ETV5: variants seen among roughly 807,000 people sequenced by gnomAD.
ETV5 encodes the protein ETS translocation variant 5.
A neutral mutation model predicts 70.0 loss-of-function variants in ETV5; 10 were observed. The ratio of observed to expected loss-of-function variants is 0.14; its 90% CI spans 0.09 to 0.24. The LOEUF is 0.24. Among genes scored for constraint, ETV5 ranks in the 10% least tolerant of loss-of-function variants. The pLI, the probability that ETV5 is intolerant of heterozygous loss-of-function variation, is 1.00. For missense variants in ETV5, 453 were observed against 651.2 expected (o/e 0.70, Z 3.31); for synonymous variants, 216 against 242.2 (o/e 0.89, Z 1.01).
rs765267113 is a variant in ETV5, at chr3:186,052,174, TG to T, written c.1210-44del. ...TGAAGAGCAATGGAAACGCATTCCCTGGGCCCCATGTTCTCTCCCAATCCCA... is the reference window on the plus strand; with the variant it reads ...TGAAGAGCAATGGAAACGCATTCCCTGGCCCCATGTTCTCTCCCAATCCCA... On this transcript the variant is annotated intron_variant, in intron 11 of 12. Coordinates refer to ENST00000306376, the MANE Select transcript of ETV5 (RefSeq NM_004454.3). The surrounding 1 kb of genome is among the most constrained non-coding windows in gnomAD (Gnocchi z 4.5). 1 of 1,583,642 alleles carries T rather than the reference TG, an allele frequency of 6.3e-7. No individual in the cohort carries two copies. Among genetic ancestry groups the T allele is most frequent in the South Asian group, 1.1e-5 (1 of 90,448 alleles).
intron 12 of ETV5, among the ~76,000 whole-genome samples, chr3:186,049,121 CT>C (rs1408827486): frequency 6.6e-6 from 1 of 152,292 alleles, no homozygotes; most frequent in South Asian, 2.1e-4. Flanking sequence ...CACTTTCTGT[CT>C]TCCAGTGACA....
chr3:186,064,980 A>G (rs1173994377), intron 8 of ETV5, among the ~76,000 whole-genome samples: 1 of 152,216 alleles, frequency 6.6e-6, no homozygotes, highest in East Asian at 1.9e-4. Flanking sequence ...ACCTGAAGTT[A>G]GGAAGCCAGG....
intron 7 of ETV5, among the ~76,000 whole-genome samples, chr3:186,070,782 T>C (rs1236399402): frequency 6.6e-6 from 1 of 152,236 alleles, no homozygotes; most frequent in Non-Finnish European, 1.5e-5. Context: ...GTATACATAA[T>C]ACAGCTACAA....
intron 7 of ETV5, among the ~76,000 whole-genome samples, chr3:186,070,925 C>A (rs1295302351): frequency 6.6e-6 from 1 of 152,220 alleles, no homozygotes; most frequent in African/African-American, 2.4e-5. Context: ...CAACAGAGTG[C>A]ACGTGTAAGG....
chr3:186,093,779 A>C (rs903997119), intron 5 of ETV5, among the ~76,000 whole-genome samples: 1 of 152,112 alleles, frequency 6.6e-6, no homozygotes, highest in Non-Finnish European at 1.5e-5. Context: ...CTAAGATGAT[A>C]CCCAGGTCCT....
At chr3:186,098,592 T>C (rs181977543) in intron 5 of ETV5, among the ~76,000 whole-genome samples, 177 of 151,188 alleles carry the variant, frequency 1.2e-3, no homozygotes, top group African/African-American at 3.3e-3. Context: ...AGATCTAAGG[T>C]TGGAGGGTGA....
intron 5 of ETV5, among the ~76,000 whole-genome samples, chr3:186,081,956 T>G (rs1454840069): frequency 6.6e-6 from 1 of 152,264 alleles, no homozygotes; most frequent in African/African-American, 2.4e-5. Flanking sequence ...ATGGAGCTAC[T>G]GCTTTTGGCT....
At chr3:186,059,716 G>C (rs779642526) in intron 9 of ETV5, among the ~76,000 whole-genome samples, 27 of 152,242 alleles carry the variant, frequency 1.8e-4, no homozygotes, top group Middle Eastern at 3.4e-3. Flanking sequence ...GAAATTAACT[G>C]AATAATGTCA....
At chr3:186,059,189 A>G (rs1452115255) in intron 9 of ETV5, among the ~76,000 whole-genome samples, 3 of 152,166 alleles carry the variant, frequency 2.0e-5, no homozygotes, top group Non-Finnish European at 2.9e-5. Flanking sequence ...GAAACTCTGC[A>G]CAACTGAGAC....
intron 12 of ETV5, among the ~76,000 whole-genome samples, chr3:186,049,754 C>T (rs1712979490): frequency 6.6e-6 from 1 of 152,140 alleles, no homozygotes; most frequent in Non-Finnish European, 1.5e-5. Flanking sequence ...GCTCTGCTTC[C>T]ACATCTCTAC....
chr3:186,066,197 C>T, intron 7 of ETV5, 125 bp from the exon 8 acceptor site: 1 of 609,768 alleles, frequency 1.6e-6, no homozygotes, highest in Non-Finnish European at 2.2e-6. Context: ...ATGCTTATTT[C>T]TGGGCATTTT....
chr3:186,085,152 C>T (rs1714027961), intron 5 of ETV5, among the ~76,000 whole-genome samples: 1 of 150,458 alleles, frequency 6.6e-6, no homozygotes. Flanking sequence ...CTTGCCACGT[C>T]TCACAGCTGG....
intron 5 of ETV5, chr3:186,084,299 A>G: frequency 2.4e-6 from 1 of 410,014 alleles, no homozygotes; most frequent in Admixed American, 3.5e-5. Context: ...AAAAAAAAAA[A>G]AAAAAAGTTG....
At chr3:186,103,667 ACACT>A (rs1299742079) in intron 5 of ETV5, among the ~76,000 whole-genome samples, 140 of 122,780 alleles carry the variant, frequency 1.1e-3, no homozygotes, top group African/African-American at 4.0e-3. Flanking sequence ...ACACACACAC[ACACT>A]TGGATTATCT....
At chr3:186,056,600 T>G (rs1713167770) in intron 11 of ETV5, among the ~76,000 whole-genome samples, 1 of 152,142 alleles carries the variant, frequency 6.6e-6, no homozygotes. Flanking sequence ...GAGCCACCTC[T>G]GATAATTTTA....
chr3:186,062,008 C>T (rs1277269509), intron 9 of ETV5, among the ~76,000 whole-genome samples: 2 of 152,160 alleles, frequency 1.3e-5, no homozygotes, highest in East Asian at 3.8e-4. Flanking sequence ...CCCTCCTTTA[C>T]CCAGAAATTT....
At position 186,057,004 on chromosome 3, in the gene ETV5, G is replaced by GAAATCT; in HGVS notation, c.1209+65_1209+70dup. 6.4e-7 allele frequency: 1 copy of GAAATCT among 1,555,056 alleles called. No homozygotes were observed. The highest frequency in any genetic ancestry group is 1.8e-5 in the Admixed American group (1 of 55,764). The stretch of plus-strand genomic sequence containing the variant: ...AGACTTGACACAAAAAGCCTCAATG[G>GAAATCT]AAATCTAAACAAAAAACATCATCAA... On this transcript the variant is annotated intron_variant, in intron 11 of 12. Coordinates refer to ENST00000306376, the MANE Select transcript of ETV5 (RefSeq NM_004454.3). The surrounding 1 kb of genome is among the most constrained non-coding windows in gnomAD (Gnocchi z 4.9).
chr3:186,081,089 C>G lies in ETV5; in HGVS notation c.319G>C (p.Ala107Pro), dbSNP rs745776119. The G allele has an allele frequency of 2.5e-6, 4 of 1,613,696 alleles. No individual in the cohort carries two copies. Among genetic ancestry groups the G allele is most frequent in the African/African-American group, 1.3e-5 (1 of 75,018 alleles). ...TTTTCTCCATAGTTAGCACCAAGAG[C>G]CTGCTCATGGCTACAAGACGACAGC... ...SELSSCSHEQALGANYGEKCL... is the reference protein window; with the variant it reads ...SELSSCSHEQPLGANYGEKCL... The change falls in exon 6 of 13, where the codon GCT becomes CCT. Residue 107 changes from alanine to proline, a missense_variant. By Grantham distance (27) the Ala-to-Pro change is conservative. Coordinates refer to ENST00000306376, the MANE Select transcript of ETV5 (RefSeq NM_004454.3).
At chr3:186,080,947 G>T in intron 6 of ETV5, 99 bp downstream of exon 6, 1 of 1,404,834 alleles carries the variant, frequency 7.1e-7, no homozygotes, top group African/African-American at 1.4e-5. Flanking sequence ...TTACCACAGG[G>T]TCTGCTGGGT....
Sources: gnomAD v4.1 joint callset for allele counts (sites outside exome capture counted in the v4.1 genomes callset) on GRCh38, gnomAD v4.1.1 for gene constraint, Gnocchi (gnomAD v3.1) non-coding constraint, MANE v1.5 for transcripts, NCBI Gene and HGNC (gene_info 2026-07-23, HGNC 2026-07-21) for gene names.